The following NMNAT1 variants were observed in gnomAD, a reference collection of about 807,000 sequenced individuals.
NMNAT1 encodes the protein nicotinamide/nicotinic acid mononucleotide adenylyltransferase 1.
A neutral mutation model predicts 16.7 loss-of-function variants in NMNAT1; 11 were observed. That is an observed-to-expected ratio of 0.66 (90% CI 0.41 to 1.09). NMNAT1 has a LOEUF of 1.09. NMNAT1 is among the 50% of genes least tolerant of loss of function. The pLI, the probability that NMNAT1 is intolerant of heterozygous loss-of-function variation, is 0.00. For missense variants in NMNAT1, 280 were observed against 332.3 expected, an observed-to-expected ratio of 0.84 and a Z score of 1.22; for synonymous variants, 110 against 119.8, an observed-to-expected ratio of 0.92 and a Z score of 0.53.
the NMNAT1 span, among the ~76,000 whole-genome samples, chr1:9,992,869 A>C: frequency 6.6e-6 from 1 of 151,990 alleles, no homozygotes; most frequent in Non-Finnish European, 1.5e-5. Flanking sequence ...TGGAGATCGC[A>C]CCAATGCACT....
the NMNAT1 span, among the ~76,000 whole-genome samples, chr1:9,992,002 T>C: frequency 1.3e-5 from 2 of 151,910 alleles, no homozygotes; most frequent in African/African-American, 2.4e-5. Context: ...GAGGCAGAGG[T>C]TGAGCCACCC....
intron 2 of NMNAT1, among the ~76,000 whole-genome samples, chr1:9,974,423 C>G (rs1418502992): frequency 1.4e-5 from 2 of 146,026 alleles, no homozygotes; most frequent in Non-Finnish European, 3.0e-5. Context: ...GAGTCTTGCT[C>G]TGTCGCTCAG....
intron 1 of NMNAT1, among the ~76,000 whole-genome samples, chr1:9,962,279 G>T (rs1042120754): frequency 6.6e-6 from 1 of 151,476 alleles, no homozygotes; most frequent in Non-Finnish European, 1.5e-5. Context: ...TCAGGAGATT[G>T]AGACCATCCT....
rs1017147686 is a variant in NMNAT1 at position 9,975,641 on chromosome 1, C to T, written c.165C>T (p.Tyr55=). ...TCATCTCTCCTGTTGGTGATGCCTACAAGAAGAAAGGACTCATTCCTGCCT... is the reference window on the plus strand; with the variant it reads ...TCATCTCTCCTGTTGGTGATGCCTATAAGAAGAAAGGACTCATTCCTGCCT... ...KGIISPVGDA[Y]KKKGLIPAYH... The change falls in exon 3 of 5, where the codon TAC becomes TAT. Residue 55 remains tyrosine, a synonymous_variant. Transcript: ENST00000377205. 9 of 1,613,960 alleles carry T rather than the reference C, an allele frequency of 5.6e-6. No homozygotes were observed. Among genetic ancestry groups the T allele is most frequent in the South Asian group, 4.4e-5 (4 of 91,072 alleles).
At chr1:9,944,065 C>T (rs879288332) in intron 1 of NMNAT1, among the ~76,000 whole-genome samples, 25 of 151,782 alleles carry the variant, frequency 1.6e-4, no homozygotes, top group Non-Finnish European at 2.9e-4. Flanking sequence ...CCAGCCTGGC[C>T]AACATAGTGA....
chr1:9,957,899 G>C (rs1641303751), intron 1 of NMNAT1, among the ~76,000 whole-genome samples: 1 of 152,178 alleles, frequency 6.6e-6, no homozygotes, highest in Non-Finnish European at 1.5e-5. Flanking sequence ...GGTCGGGCGT[G>C]CCTGTCACCC....
downstream of NMNAT1, among the ~76,000 whole-genome samples, chr1:9,987,473 AC>A (rs1422276667): frequency 1.3e-5 from 2 of 151,456 alleles, no homozygotes; most frequent in Non-Finnish European, 2.9e-5. Flanking sequence ...ACCCCGTCTC[AC>A]TAAAAATACA....
intron 1 of NMNAT1, among the ~76,000 whole-genome samples, chr1:9,953,301 G>A (rs1021638834): frequency 6.8e-6 from 1 of 146,364 alleles, no homozygotes; most frequent in African/African-American, 2.6e-5. Flanking sequence ...TTTTTGAGAC[G>A]GAGTCTTGCT....
intron 1 of NMNAT1, among the ~76,000 whole-genome samples, chr1:9,950,227 A>G (rs1451713963): frequency 6.6e-6 from 1 of 152,058 alleles, no homozygotes; most frequent in African/African-American, 2.4e-5. Context: ...AGTAGGTGGG[A>G]TTACAGGCAC....
chr1:9,944,932 G>T (rs1194108270), intron 1 of NMNAT1, among the ~76,000 whole-genome samples: 3 of 152,160 alleles, frequency 2.0e-5, no homozygotes, highest in Non-Finnish European at 4.4e-5. Flanking sequence ...CAGATTCAAA[G>T]AATTTCCTTT....
chr1:9,956,799 T>G (rs1464809201), intron 1 of NMNAT1, among the ~76,000 whole-genome samples: 1 of 150,728 alleles, frequency 6.6e-6, no homozygotes, highest in African/African-American at 2.4e-5. Context: ...TGGTGTGATC[T>G]TGGCTCACTG....
chr1:9,978,427 T>C (rs115407183), intron 3 of NMNAT1, among the ~76,000 whole-genome samples: 2,217 of 152,260 alleles, frequency 0.015, 66 homozygotes, highest in African/African-American at 0.049. Flanking sequence ...GCCTTCCAAA[T>C]CTCTCAGGAG....
At chr1:9,951,293 G>C (rs2101642237) in intron 1 of NMNAT1, 1 of 152,202 alleles carries the variant, frequency 6.6e-6, no homozygotes, top group Admixed American at 6.6e-5. Context: ...AGGGGTTGTT[G>C]TTTCCTACAT....
intron 1 of NMNAT1, among the ~76,000 whole-genome samples, chr1:9,968,533 GAGGC>G: frequency 1.4e-5 from 1 of 71,104 alleles, no homozygotes; most frequent in Non-Finnish European, 3.8e-5. Context: ...CTGGGAGGCC[GAGGC>G]AGGTGGATCA....
At chr1:9,966,350 C>T (rs561328423) in intron 1 of NMNAT1, among the ~76,000 whole-genome samples, 2 of 152,050 alleles carry the variant, frequency 1.3e-5, no homozygotes, top group African/African-American at 2.4e-5. Flanking sequence ...CGGTGGCTCA[C>T]GCCTGTAATC....
chr1:9,965,690 A>G (rs1293786363), intron 1 of NMNAT1, among the ~76,000 whole-genome samples: 1 of 152,080 alleles, frequency 6.6e-6, no homozygotes, highest in Admixed American at 6.6e-5. Context: ...GGTGTGAGCA[A>G]CCGCACCTGG....
the NMNAT1 span, among the ~76,000 whole-genome samples, chr1:9,994,580 G>A: frequency 2.0e-5 from 3 of 150,116 alleles, no homozygotes; most frequent in African/African-American, 4.9e-5. Context: ...ACAGGTGCCC[G>A]CCACCATGCC....
chr1:9,987,964 A>G (rs546417487), downstream of NMNAT1, among the ~76,000 whole-genome samples: 68 of 152,122 alleles, frequency 4.5e-4, no homozygotes, highest in Non-Finnish European at 8.5e-4. Flanking sequence ...TTCCCACTTC[A>G]TAAGCTGGTC....
At chr1:9,996,622 G>A in the NMNAT1 span, among the ~76,000 whole-genome samples, 7 of 152,280 alleles carry the variant, frequency 4.6e-5, no homozygotes, top group South Asian at 1.0e-3. Flanking sequence ...ACTTATAGGA[G>A]ATGGGGAGGT....
Sources: gnomAD v4.1 joint callset for allele counts (sites outside exome capture counted in the v4.1 genomes callset) on GRCh38, gnomAD v4.1.1 for gene constraint, MANE v1.5 for transcripts, NCBI Gene and HGNC (gene_info 2026-07-23, HGNC 2026-07-21) for gene names.